The following BCL7C variants were observed in gnomAD, a reference collection of about 807,000 sequenced individuals.
BCL7C encodes BAF chromatin remodeling complex subunit BCL7C, also known as B-cell CLL/lymphoma 7 protein family member C.
Under a neutral mutation model 26.2 loss-of-function variants are expected in BCL7C, and 8 were observed. The observed-to-expected ratio is 0.30, with a 90% CI of 0.18 to 0.55. BCL7C has a LOEUF of 0.55. Ranked by LOEUF, BCL7C falls within the 20% of genes least tolerant of loss-of-function variation. The pLI is 0.93. For missense variants in BCL7C, 262 were observed against 298.5 expected, an observed-to-expected ratio of 0.88 and a Z score of 0.90; for synonymous variants, 90 against 116.5, an observed-to-expected ratio of 0.77 and a Z score of 1.47.
At chr16:30,857,871 T>C (rs571041774) in intron 5 of BCL7C, among the ~76,000 whole-genome samples, 1 of 150,944 alleles carries the variant, frequency 6.6e-6, no homozygotes, top group African/African-American at 2.4e-5. Context: ...CTCGGGAGGC[T>C]GAGGCAGGAG....
chr16:30,844,950 T>C (rs922087741), intron 5 of BCL7C, among the ~76,000 whole-genome samples: 2 of 152,194 alleles, frequency 1.3e-5, no homozygotes, highest in Non-Finnish European at 2.9e-5. Flanking sequence ...GGTTTCATTT[T>C]TCTTGCTCTT....
intron 5 of BCL7C, among the ~76,000 whole-genome samples, chr16:30,866,033 C>T (rs2054824062): frequency 6.6e-6 from 1 of 151,892 alleles, no homozygotes; most frequent in Admixed American, 6.6e-5. Flanking sequence ...CCTCGCCCGG[C>T]CATATGGGTT....
At chr16:30,844,837 A>G (rs2054624564) in intron 5 of BCL7C, among the ~76,000 whole-genome samples, 1 of 152,092 alleles carries the variant, frequency 6.6e-6, no homozygotes, top group Admixed American at 6.6e-5. Context: ...CTTCTAATAC[A>G]TTTCTCCTTG....
chr16:30,892,792 C>T, intron 3 of BCL7C, 45 bp from the exon 4 acceptor site: 1 of 1,614,056 alleles, frequency 6.2e-7, no homozygotes, highest in Non-Finnish European at 8.5e-7. Context: ...ATCCCTAGTA[C>T]ACTCCTTCAG....
intron 5 of BCL7C, among the ~76,000 whole-genome samples, chr16:30,868,286 C>A (rs1322802880): frequency 2.7e-5 from 4 of 149,736 alleles, no homozygotes; most frequent in Non-Finnish European, 4.5e-5. Context: ...TACCACCCGA[C>A]CCGGCTAATT....
chr16:30,893,757 G>T lies in BCL7C; in HGVS notation c.92+96C>A. ...CAAAGCTAGTGGGTGGAGATACACC[G>T]AACACCCGGGGCCCAGAGCTGGCGA... On this transcript the variant is annotated intron_variant, in intron 1 of 5. Transcript: ENST00000215115. This position sits in a 1 kb window ranked among gnomAD's most constrained non-coding sequence, Gnocchi z 5.2. 2 of 1,107,278 alleles carry T rather than the reference G, an allele frequency of 1.8e-6. No homozygotes were observed. Among genetic ancestry groups the T allele is most frequent in the South Asian group, 1.3e-5 (1 of 78,828 alleles). The allele number at this position is 1,107,278 out of a possible 1,614,324, so 68.6% of individuals were successfully genotyped here.
chr16:30,852,278 G>A (rs946656878), intron 5 of BCL7C: 3 of 152,280 alleles, frequency 2.0e-5, no homozygotes, highest in African/African-American at 4.8e-5. Flanking sequence ...ACTCGAATAA[G>A]AAAATCGCTT....
rs763095751 is a variant in BCL7C at position 30,860,989 on chromosome 16, C to A, written c.529-25841G>T. On this transcript the variant is annotated intron_variant, in intron 5 of 5. Transcript: ENST00000380317. ...TTTTTTTCCGCGACTAGCCCTCCCCCATCTGCCCAACAATTTCCTCTTAGA... is the reference window on the plus strand; with the variant it reads ...TTTTTTTCCGCGACTAGCCCTCCCCAATCTGCCCAACAATTTCCTCTTAGA... Among the ~76,000 whole-genome samples, 168 of 152,276 alleles carry A rather than the reference C, an allele frequency of 1.1e-3. 2 individuals are homozygous for A. The highest frequency in any genetic ancestry group is 1.2e-3 in the Non-Finnish European group (79 of 68,030).
chr16:30,849,281 G>A (rs1471681814), intron 5 of BCL7C, among the ~76,000 whole-genome samples: 2 of 151,720 alleles, frequency 1.3e-5, no homozygotes, highest in Non-Finnish European at 2.9e-5. Context: ...ATCAGTTTTT[G>A]CTTCATGTAT....
intron 5 of BCL7C, among the ~76,000 whole-genome samples, chr16:30,869,220 G>GT (rs1216153998): frequency 2.6e-5 from 4 of 151,822 alleles, no homozygotes; most frequent in Non-Finnish European, 5.9e-5. Flanking sequence ...ATTTTATTTT[G>GT]TTTTTTGCGA....
downstream of BCL7C, among the ~76,000 whole-genome samples, chr16:30,883,296 A>G (rs1266564186): frequency 6.6e-6 from 1 of 152,088 alleles, no homozygotes; most frequent in Non-Finnish European, 1.5e-5. Flanking sequence ...GGGAGACAGC[A>G]AGGTGGTAAA....
intron 5 of BCL7C, among the ~76,000 whole-genome samples, chr16:30,865,599 A>C (rs2054818371): frequency 6.6e-6 from 1 of 151,988 alleles, no homozygotes; most frequent in African/African-American, 2.4e-5. Flanking sequence ...AATGAATAAA[A>C]ATAAAATAAA....
At chr16:30,877,108 C>T (rs916226479) in intron 5 of BCL7C, among the ~76,000 whole-genome samples, 1 of 152,064 alleles carries the variant, frequency 6.6e-6, no homozygotes, top group Non-Finnish European at 1.5e-5. Context: ...CACCAGGGAG[C>T]GGTAGGGATT....
chr16:30,855,094 G>A (rs1038836847), intron 5 of BCL7C, among the ~76,000 whole-genome samples: 2 of 152,104 alleles, frequency 1.3e-5, no homozygotes, highest in African/African-American at 2.4e-5. Context: ...GGGTCCAGCC[G>A]TTTCTTTCAA....
At chr16:30,874,796 T>C (rs74801805) in intron 5 of BCL7C, among the ~76,000 whole-genome samples, 1,602 of 152,312 alleles carry the variant, frequency 0.011, 37 homozygotes, top group African/African-American at 0.036. Flanking sequence ...AGACTGTTTT[T>C]CTGTCTGTGA....
At chr16:30,856,630 C>T (rs1053951933) in intron 5 of BCL7C, among the ~76,000 whole-genome samples, 3 of 152,176 alleles carry the variant, frequency 2.0e-5, no homozygotes, top group Non-Finnish European at 4.4e-5. Context: ...GCCCAGTTAG[C>T]TTAGTTGTCA....
At chr16:30,847,254 T>G (rs1417235688) in intron 5 of BCL7C, among the ~76,000 whole-genome samples, 2 of 152,188 alleles carry the variant, frequency 1.3e-5, no homozygotes, top group African/African-American at 4.8e-5. Flanking sequence ...TGGGAAATAA[T>G]AGGATCCAGA....
At chr16:30,849,493 C>G (rs1216917654) in intron 5 of BCL7C, among the ~76,000 whole-genome samples, 2 of 152,094 alleles carry the variant, frequency 1.3e-5, no homozygotes, top group Non-Finnish European at 2.9e-5. Context: ...GCTCTATTGC[C>G]CAGGCTGGAT....
intron 5 of BCL7C, among the ~76,000 whole-genome samples, chr16:30,845,162 A>G (rs2151360867): frequency 6.6e-6 from 1 of 152,232 alleles, no homozygotes; most frequent in Non-Finnish European, 1.5e-5. Context: ...TTGCACACCC[A>G]CCACTGGTCC....
Sources: allele counts gnomAD v4.1 joint callset (sites outside exome capture counted in the v4.1 genomes callset), GRCh38; gene constraint gnomAD v4.1.1; non-coding constraint Gnocchi (gnomAD v3.1); transcripts MANE v1.5; gene names NCBI Gene and HGNC (gene_info 2026-07-23, HGNC 2026-07-21).